The following DYNC2LI1 variants were observed in gnomAD, a reference collection of about 807,000 sequenced individuals.
DYNC2LI1 encodes dynein cytoplasmic 2 light intermediate chain 1, also known as cytoplasmic dynein 2 light intermediate chain 1.
A neutral mutation model predicts 51.9 loss-of-function variants in DYNC2LI1; 45 were observed. The ratio of observed to expected loss-of-function variants is 0.87; its 90% CI spans 0.68 to 1.11. The LOEUF (loss-of-function observed/expected upper bound fraction) is 1.11. DYNC2LI1 is among the 50% of genes most tolerant of loss of function. The pLI, the probability that DYNC2LI1 is intolerant of heterozygous loss-of-function variation, is 0.00. For synonymous variants in DYNC2LI1, 130 were observed against 137.8 expected (o/e 0.94, Z 0.40); for missense variants, 490 against 417.4 (o/e 1.17, Z -1.51).
the DYNC2LI1 span, among the ~76,000 whole-genome samples, chr2:43,820,309 T>G: frequency 1.3e-5 from 2 of 152,228 alleles, no homozygotes; most frequent in African/African-American, 4.8e-5. Flanking sequence ...TGCAACTCAT[T>G]GGGAGCCACC....
chr2:43,808,220 A>G (rs1245997242), intron 12 of DYNC2LI1, among the ~76,000 whole-genome samples: 1 of 151,886 alleles, frequency 6.6e-6, no homozygotes, highest in African/African-American at 2.4e-5. Flanking sequence ...ACATATGATT[A>G]TTACCATGAA....
intron 1 of DYNC2LI1, among the ~76,000 whole-genome samples, chr2:43,774,684 A>T (rs1672930217): frequency 6.6e-6 from 1 of 152,218 alleles, no homozygotes; most frequent in Non-Finnish European, 1.5e-5. Context: ...ATGCTTAAGC[A>T]CGTCGGGGAG....
chr2:43,776,593 C>G (rs529187619), intron 1 of DYNC2LI1, among the ~76,000 whole-genome samples, 189 bp from the exon 2 acceptor site: 1 of 152,062 alleles, frequency 6.6e-6, no homozygotes, highest in Non-Finnish European at 1.5e-5. Flanking sequence ...AGAACTAGTT[C>G]AAAGCAACAA....
intron 11 of DYNC2LI1, 69 bp downstream of exon 11, chr2:43,804,808 A>G (rs1666189359): frequency 3.2e-6 from 3 of 929,218 alleles, no homozygotes; most frequent in Non-Finnish European, 4.8e-6. Flanking sequence ...AAATGTGTCA[A>G]AGGGCTTATT....
intron 12 of DYNC2LI1, 49 bp from the exon 13 acceptor site, chr2:43,809,656 G>A: frequency 7.1e-7 from 1 of 1,403,610 alleles, no homozygotes; most frequent in South Asian, 1.2e-5. Context: ...GTGCCTCCTT[G>A]AATTAGTAAA....
the DYNC2LI1 span, chr2:43,822,471 CCCCCAGG>C: frequency 9.0e-6 from 5 of 552,768 alleles, no homozygotes; most frequent in Non-Finnish European, 8.8e-6. Flanking sequence ...TTTCTCCCCT[CCCCCAGG>C]CCCCCCCCCA....
At chr2:43,808,607 A>G (rs1052675170) in intron 12 of DYNC2LI1, among the ~76,000 whole-genome samples, 2 of 152,198 alleles carry the variant, frequency 1.3e-5, no homozygotes, top group African/African-American at 4.8e-5. Flanking sequence ...AGCCACCTCC[A>G]CTAAAATTTA....
chr2:43,792,936 T>A, intron 5 of DYNC2LI1: 2 of 834,760 alleles, frequency 2.4e-6, no homozygotes, highest in Admixed American at 3.7e-5. Flanking sequence ...ATCTTTTGAC[T>A]ATTGTGAGTA....
chr2:43,828,241 C>T, the DYNC2LI1 span: 5 of 1,277,628 alleles, frequency 3.9e-6, no homozygotes, highest in Admixed American at 1.9e-5. Context: ...TCCAGACTCA[C>T]CACACCCTGG....
At chr2:43,827,435 A>T in the DYNC2LI1 span, among the ~76,000 whole-genome samples, 1 of 152,108 alleles carries the variant, frequency 6.6e-6, no homozygotes, top group African/African-American at 2.4e-5. Context: ...CCACAGTGCA[A>T]AGAAAGGATC....
At chr2:43,828,243 A>T in the DYNC2LI1 span, 4 of 1,246,558 alleles carry the variant, frequency 3.2e-6, no homozygotes, top group Non-Finnish European at 3.4e-6. Flanking sequence ...CAGACTCACC[A>T]CACCCTGGGG....
downstream of DYNC2LI1, among the ~76,000 whole-genome samples, chr2:43,810,994 C>T (rs1666461891): frequency 6.6e-6 from 1 of 152,214 alleles, no homozygotes; most frequent in Non-Finnish European, 1.5e-5. Context: ...TTCTAAGGTG[C>T]TATCACTAAC....
intron 12 of DYNC2LI1, among the ~76,000 whole-genome samples, chr2:43,805,906 G>A (rs1304695129): frequency 1.4e-5 from 2 of 147,658 alleles, no homozygotes; most frequent in South Asian, 4.3e-4. Context: ...TTTTTAAGAC[G>A]AGTCTCACAC....
intron 12 of DYNC2LI1, chr2:43,805,634 AT>A (rs1264569696): frequency 6.4e-6 from 1 of 156,172 alleles, no homozygotes; most frequent in Non-Finnish European, 1.4e-5. Context: ...TGATTAGGAC[AT>A]TCAGACATAC....
At chr2:43,812,833 A>C, downstream of DYNC2LI1, 1 of 380,572 alleles carries the variant, frequency 2.6e-6, no homozygotes, top group South Asian at 3.7e-5. Context: ...TAGTCACACG[A>C]GTCTCCCATA....
rs760026126 is a variant in DYNC2LI1 at position 43,800,834 on chromosome 2, T to C, written c.655-7T>C. On this transcript the variant is annotated splice_region_variant and splice_polypyrimidine_tract_variant and intron_variant, in intron 8 of 12. Coordinates refer to ENST00000260605, the MANE Select transcript of DYNC2LI1 (RefSeq NM_016008.4). ...GCATGTAATTTGTTCTCCTGATTTG[T>C]TTAAAGTTTACCAGTAAATCAGAAG... 13 of 1,544,322 alleles carry C rather than the reference T, an allele frequency of 8.4e-6. No individual in the cohort carries two copies. Among genetic ancestry groups the C allele is most frequent in the African/African-American group, 2.8e-5 (2 of 72,658 alleles).
downstream of DYNC2LI1, chr2:43,810,133 C>G (rs1005431191): frequency 2.8e-6 from 1 of 351,454 alleles, no homozygotes; most frequent in Non-Finnish European, 4.0e-6. Context: ...CCACGTTAGA[C>G]ACATTCTTTC....
the DYNC2LI1 span, among the ~76,000 whole-genome samples, chr2:43,820,507 C>A: frequency 6.6e-6 from 1 of 152,170 alleles, no homozygotes; most frequent in Non-Finnish European, 1.5e-5. Context: ...TCCCAGCACC[C>A]CCTTCCCTGA....
intron 4 of DYNC2LI1, 78 bp downstream of exon 4, chr2:43,787,328 T>A (rs1673572075): frequency 8.2e-7 from 1 of 1,222,140 alleles, no homozygotes; most frequent in East Asian, 2.4e-5. Context: ...ACATTTTCCA[T>A]CTCATCTGTA....
Sources: gnomAD v4.1 joint callset for allele counts (sites outside exome capture counted in the v4.1 genomes callset) on GRCh38, gnomAD v4.1.1 for gene constraint, MANE v1.5 for transcripts, NCBI Gene and HGNC (gene_info 2026-07-23, HGNC 2026-07-21) for gene names.